MYOM1: variants seen among roughly 807,000 people sequenced by gnomAD.
MYOM1 encodes the protein myomesin-1.
In MYOM1, 164 loss-of-function variants were observed where a neutral mutation model predicts 205.3. The observed-to-expected ratio is 0.80, with a 90% confidence interval of 0.70 to 0.91. The LOEUF (loss-of-function observed/expected upper bound fraction) is 0.91. MYOM1 is among the 40% of genes least tolerant of loss of function. MYOM1 has a pLI of 0.00. For missense variants in MYOM1, 2,011 were observed against 2,127.3 expected (o/e 0.95, Z 1.08); for synonymous variants, 772 against 789.4 (o/e 0.98, Z 0.37).
the MYOM1 span, among the ~76,000 whole-genome samples, chr18:3,237,846 G>A: frequency 2.0e-5 from 3 of 152,212 alleles, no homozygotes; most frequent in Non-Finnish European, 1.5e-5. Flanking sequence ...TTTACAAGAT[G>A]CAAAGAGTTA....
chr18:3,130,035 C>A (rs1230279881), intron 17 of MYOM1, among the ~76,000 whole-genome samples: 1 of 151,782 alleles, frequency 6.6e-6, no homozygotes, highest in African/African-American at 2.4e-5. Flanking sequence ...ATCTTCCTTC[C>A]TTCGTTTTCT....
At chr18:3,136,763 CT>C (rs549462366) in intron 14 of MYOM1, among the ~76,000 whole-genome samples, 81 of 152,282 alleles carry the variant, frequency 5.3e-4, no homozygotes, top group Non-Finnish European at 8.4e-4. Flanking sequence ...TTATCACTCT[CT>C]GTTTCTTAGC....
In MYOM1 at chr18:3,075,489, G is replaced by C. The variant is rs545881746; in HGVS notation, c.4686-13C>G. ...AATGGCAGCTTGTCTGTGGTTGAGA[G>C]AAACGAACAAACAGACGAAGAATTT... On this transcript the variant is annotated splice_polypyrimidine_tract_variant and intron_variant, in intron 35 of 37. Transcript: ENST00000356443. 1.3e-5 allele frequency: 20 copies of C among 1,540,022 alleles called. No homozygotes were observed. The East Asian group carries it at 3.3e-4, about 25-fold the overall frequency.
intron 9 of MYOM1, 23 bp downstream of exon 9, chr18:3,168,794 G>A (rs1008604345): frequency 1.2e-6 from 2 of 1,612,284 alleles, no homozygotes; most frequent in African/African-American, 2.7e-5. Flanking sequence ...GAACCTAAGT[G>A]AGCATTCATT....
Position 3,102,479 on chromosome 18 carries a change from G to A in MYOM1, c.3570C>T (p.Gly1190=). The A allele has an allele frequency of 6.2e-7, 1 of 1,610,758 alleles. No homozygotes were observed. Among genetic ancestry groups the A allele is most frequent in the East Asian group, 2.2e-5 (1 of 44,828 alleles). The change falls in exon 23 of 38, where the codon GGC becomes GGT. Residue 1190 remains glycine, a synonymous_variant. Transcript: ENST00000356443. ...GTGATTGACATAGTCCTTACTTGTT[G>A]CCCTTGCTTTCGACTTCCAATCGTG... ...DSPRLEVESK[G]NKTKMTFKDL...
intron 21 of MYOM1, among the ~76,000 whole-genome samples, chr18:3,113,390 A>G (rs1275864033): frequency 3.3e-5 from 5 of 151,924 alleles, no homozygotes; most frequent in African/African-American, 1.2e-4. Context: ...GTACAGTGGC[A>G]CAATCTCAGC....
At chr18:3,234,479 C>A in the MYOM1 span, among the ~76,000 whole-genome samples, 1 of 152,140 alleles carries the variant, frequency 6.6e-6, no homozygotes, top group Admixed American at 6.5e-5. Context: ...AATTTTGTGA[C>A]CCCCTAGTTA....
In MYOM1 at chr18:3,102,476, G is replaced by A. The variant is rs2143762684; in HGVS notation, c.3573C>T (p.Asn1191=). The part of the protein sequence containing the change: ...SPRLEVESKG[N]KTKMTFKDLG... ...ATTGTGATTGACATAGTCCTTACTT[G>A]TTGCCCTTGCTTTCGACTTCCAATC... The change falls in exon 23 of 38, where the codon AAC becomes AAT. Residue 1191 remains asparagine (N), a splice_region_variant and synonymous_variant. Coordinates refer to ENST00000356443, the MANE Select transcript of MYOM1 (RefSeq NM_003803.4). 1.2e-6 allele frequency: 2 copies of A among 1,610,540 alleles called. No individual in the cohort carries two copies. Among genetic ancestry groups the A allele is most frequent in the Non-Finnish European group, 1.7e-6 (2 of 1,178,070 alleles).
chr18:3,214,629 G>A (rs1458785931), intron 2 of MYOM1, among the ~76,000 whole-genome samples: 2 of 152,088 alleles, frequency 1.3e-5, no homozygotes, highest in East Asian at 3.9e-4. Flanking sequence ...CTCAAAACCA[G>A]CCTAGCCAAC....
intron 20 of MYOM1, among the ~76,000 whole-genome samples, chr18:3,117,376 C>T (rs1226823669): frequency 1.3e-5 from 2 of 152,204 alleles, no homozygotes; most frequent in Non-Finnish European, 2.9e-5. Flanking sequence ...TTACAAAATC[C>T]TTTTACCAAA....
intron 8 of MYOM1, among the ~76,000 whole-genome samples, chr18:3,170,983 C>A (rs2080548616): frequency 6.6e-6 from 1 of 152,076 alleles, no homozygotes; most frequent in Admixed American, 6.6e-5. Flanking sequence ...CAACTTTGAC[C>A]AAGTATTGGT....
chr18:3,213,866 A>G (rs565367895), intron 2 of MYOM1, among the ~76,000 whole-genome samples: 1 of 152,350 alleles, frequency 6.6e-6, no homozygotes, highest in Admixed American at 6.5e-5. Flanking sequence ...TGGGGATGCA[A>G]CAGTCCACAT....
Position 3,119,850 on chromosome 18 carries a change from G to A in MYOM1, c.3118+19C>T. On this transcript the variant is annotated intron_variant, in intron 20 of 37. Transcript: ENST00000356443. ...GGAAATTCCGAGGTGCGGTGTGGAG[G>A]CAGGTGTCTGTGGTTTACCTGGGAC... 1 of 1,591,234 alleles carries A rather than the reference G, an allele frequency of 6.3e-7. No individual in the cohort carries two copies. Among genetic ancestry groups the A allele is most frequent in the Non-Finnish European group, 8.6e-7 (1 of 1,165,424 alleles).
At chr18:3,096,714 T>C (rs556139737) in intron 25 of MYOM1, among the ~76,000 whole-genome samples, 1 of 152,196 alleles carries the variant, frequency 6.6e-6, no homozygotes, top group Non-Finnish European at 1.5e-5. Context: ...CCACATATAG[T>C]GCATGTATAC....
rs751231592 is a variant in MYOM1 at position 3,215,039 on chromosome 18, C to A, written c.185G>T (p.Arg62Leu). 1 of 1,612,800 alleles carries A rather than the reference C, an allele frequency of 6.2e-7. No individual in the cohort carries two copies. The highest frequency in any genetic ancestry group is 8.5e-7 in the Non-Finnish European group (1 of 1,179,474). ...AAHRRESEAF[R>L]RASASSSQQQ... ...CTGGGAGGAGGAGGCGGACGCCCGA[C>A]GGAAGGCCTCGGACTCCCGGCGGTG... The change falls in exon 2 of 38, where the codon CGT becomes CTT. Residue 62 changes from arginine (R) to leucine (L), a missense_variant. Physicochemically the swap from Arg to Leu is moderately radical, Grantham distance 102. Transcript: ENST00000356443.
intron 37 of MYOM1, among the ~76,000 whole-genome samples, chr18:3,071,263 G>A (rs2078955988): frequency 6.6e-6 from 1 of 152,096 alleles, no homozygotes; most frequent in Non-Finnish European, 1.5e-5. Context: ...AATTTTAAAG[G>A]GTGACTCTTC....
chr18:3,125,457 TA>T (rs1470163190), intron 19 of MYOM1, among the ~76,000 whole-genome samples: 1 of 151,496 alleles, frequency 6.6e-6, no homozygotes, highest in African/African-American at 2.4e-5. Flanking sequence ...GGAAGAATCT[TA>T]AAAATACAAT....
chr18:3,098,678 G>A (rs763218334), intron 25 of MYOM1, among the ~76,000 whole-genome samples: 3 of 152,150 alleles, frequency 2.0e-5, no homozygotes, highest in Non-Finnish European at 4.4e-5. Context: ...CTGCCCAGGC[G>A]CACAGCTTGA....
At chr18:3,231,532 TCC>T in the MYOM1 span, among the ~76,000 whole-genome samples, 2 of 142,794 alleles carry the variant, frequency 1.4e-5, no homozygotes, top group Non-Finnish European at 3.0e-5. Flanking sequence ...AAAATATGCA[TCC>T]TTTTTTTTTT....
Sources: gnomAD v4.1 joint callset for allele counts (sites outside exome capture counted in the v4.1 genomes callset) on GRCh38, gnomAD v4.1.1 for gene constraint, MANE v1.5 for transcripts, NCBI Gene and HGNC (gene_info 2026-07-23, HGNC 2026-07-21) for gene names.